BOC: variants seen among roughly 807,000 people sequenced by gnomAD.
BOC encodes the protein BOC cell adhesion associated, oncogene regulated, also known as brother of CDO.
Under a neutral mutation model 112.0 loss-of-function variants are expected in BOC, and 76 were observed. The ratio of observed to expected loss-of-function variants is 0.68; its 90% confidence interval spans 0.56 to 0.82. The LOEUF (loss-of-function observed/expected upper bound fraction) is 0.82. Ranked by LOEUF, BOC falls within the 40% of genes least tolerant of loss-of-function variation. The pLI is 0.00. For synonymous variants in BOC, 580 were observed against 599.8 expected, an observed-to-expected ratio of 0.97 and a Z score of 0.48; for missense variants, 1,309 against 1,511.7, an observed-to-expected ratio of 0.87 and a Z score of 2.22.
chr3:113,235,256 C>T (rs910930815), intron 2 of BOC, among the ~76,000 whole-genome samples: 3 of 152,094 alleles, frequency 2.0e-5, no homozygotes, highest in East Asian at 1.9e-4. Flanking sequence ...ACTATATTAG[C>T]GTTTTAGTTC....
chr3:113,256,953 T>C (rs1946288247), intron 4 of BOC, among the ~76,000 whole-genome samples: 2 of 152,210 alleles, frequency 1.3e-5, no homozygotes, highest in Non-Finnish European at 2.9e-5. Flanking sequence ...GGAAAACATG[T>C]CTTTGCTATT....
chr3:113,283,409 A>G lies in BOC; in HGVS notation c.2435-2A>G. The G allele has an allele frequency of 6.3e-7, 1 of 1,587,606 alleles. No individual in the cohort carries two copies. Among genetic ancestry groups the G allele is most frequent in the Non-Finnish European group, 8.6e-7 (1 of 1,161,776 alleles). On this transcript the variant is annotated splice_acceptor_variant, in intron 15 of 19. Coordinates refer to ENST00000682979, the MANE Select transcript of BOC (RefSeq NM_001378074.1). LOFTEE classifies it high-confidence loss of function. ...TGAAGTGAGTTTTGTCCACAATTAC[A>G]GCTCGGAAGTCTTCTGGCCAGCCTG... is the stretch of plus-strand genomic sequence containing the variant.
chr3:113,247,500 G>A (rs199534345), intron 2 of BOC, among the ~76,000 whole-genome samples: 22 of 125,776 alleles, frequency 1.7e-4, no homozygotes, highest in South Asian at 5.4e-4. Context: ...GCCCTGATAG[G>A]AAAAAAAAAA....
Position 113,257,201 on chromosome 3 carries a change from G to A in BOC, c.376+6368G>A, listed in dbSNP as rs77103253. Reference sequence around the variant, plus strand: ...AGAATCATTAATGGCACCTTTAGACGGAGATGTTTCCACGCTGCCAGGACA... The same window carrying A: ...AGAATCATTAATGGCACCTTTAGACAGAGATGTTTCCACGCTGCCAGGACA... On this transcript the variant is annotated intron_variant, in intron 4 of 19. Transcript: ENST00000682979. 1.5e-3 allele frequency among the ~76,000 whole-genome samples: 234 copies of A among 152,274 alleles called. 1 individual carries two copies. The highest frequency in any genetic ancestry group is 5.3e-3 in the African/African-American group (220 of 41,550).
At chr3:113,280,914 G>A (rs369402346) in intron 14 of BOC, 117 bp from the exon 15 acceptor site, 3 of 1,401,952 alleles carry the variant, frequency 2.1e-6, no homozygotes, top group East Asian at 2.3e-5. Context: ...CGCCGCCCCT[G>A]TGCCAGTCAG....
Position 113,264,950 on chromosome 3 carries a change from T to C in BOC, c.377-3349T>C, listed in dbSNP as rs114381696. Among the ~76,000 whole-genome samples the C allele has an allele frequency of 3.7e-3, 559 of 152,222 alleles. 2 individuals are homozygous for C. The highest frequency in any genetic ancestry group is 0.013 in the African/African-American group (541 of 41,544). On this transcript the variant is annotated intron_variant, in intron 4 of 19. Transcript: ENST00000682979. ...GGATGTCCAGCTGGGGTGCCCTCGG[T>C]CCTGCCTGCACAGGCTGTTGTGCAC...
intron 2 of BOC, among the ~76,000 whole-genome samples, chr3:113,232,562 A>AGTGTGTGTGT (rs10696107): frequency 2.0e-5 from 3 of 149,330 alleles, no homozygotes; most frequent in Non-Finnish European, 3.0e-5. Flanking sequence ...TTGCTGTGCG[A>AGTGTGTGTGT]GTGTGTGTGT....
At chr3:113,269,403 C>G (rs1947863522) in intron 5 of BOC, 1 of 152,106 alleles carries the variant, frequency 6.6e-6, no homozygotes, top group African/African-American at 2.4e-5. Context: ...GTAGACCTTA[C>G]TTGACCTGAC....
chr3:113,211,546 T>C (rs1671921204), upstream of BOC: 4 of 152,376 alleles, frequency 2.6e-5, no homozygotes, highest in South Asian at 8.3e-4. Flanking sequence ...GAAGGAATTG[T>C]TTGCGAGTTC....
In BOC at chr3:113,284,237, C is replaced by G. The variant is rs541818143; in HGVS notation, c.2657-98C>G. On this transcript the variant is annotated intron_variant, in intron 16 of 19. Coordinates refer to ENST00000682979, the MANE Select transcript of BOC (RefSeq NM_001378074.1). ...AACTCCCTGCCTACGTCCTTCAACC[C>G]TCTGTGGCCAGGAGCCTCCTGAGAT... 219 of 1,002,162 alleles carry G rather than the reference C, an allele frequency of 2.2e-4. No homozygotes were observed. The African/African-American group carries it at 2.9e-3, about 13-fold the overall frequency. The allele number at this position is 1,002,162 out of a possible 1,614,324, so 62.1% of individuals were successfully genotyped here. A position where few individuals can be genotyped will look rare whatever the true frequency, so the allele number is the denominator to read the frequency against.
At chr3:113,280,235 C>T (rs1949065851) in intron 13 of BOC, among the ~76,000 whole-genome samples, 1 of 152,144 alleles carries the variant, frequency 6.6e-6, no homozygotes, top group Admixed American at 6.5e-5. Context: ...CACAGGGGAT[C>T]CCAACACAAC....
chr3:113,236,294 A>ATATATATATACCCATGGG (rs1559821837), intron 2 of BOC, among the ~76,000 whole-genome samples: 2 of 98,918 alleles, frequency 2.0e-5, no homozygotes, highest in African/African-American at 5.2e-5. Context: ...ATATATATAT[A>ATATATATATACCCATGGG]TATATATATA....
chr3:113,257,458 A>T (rs945040701), intron 4 of BOC, among the ~76,000 whole-genome samples: 1 of 152,126 alleles, frequency 6.6e-6, no homozygotes, highest in African/African-American at 2.4e-5. Context: ...TCTCAGAGCA[A>T]AATTGTGGTT....
In BOC at chr3:113,278,717, A is replaced by G. The variant is rs1948898875; in HGVS notation, c.1750A>G (p.Ile584Val). ...PEIMASKEQQ[I>V]QRDDPGASPQ... is the part of the protein sequence containing the mutation. Reference sequence around the variant, plus strand: ...GATCATGGCCAGCAAAGAGCAGCAGATCCAGAGAGACGACCCTGGAGCCAG... The same window carrying G: ...GATCATGGCCAGCAAAGAGCAGCAGGTCCAGAGAGACGACCCTGGAGCCAG... Residue 584 changes from isoleucine (I) to valine (V), a missense_variant, in exon 11 of 20, where the codon ATC (isoleucine) becomes GTC (valine). Physicochemically the swap from Ile to Val is conservative, Grantham distance 29 (BLOSUM62 3). Transcript: ENST00000682979. The surrounding 1 kb of genome is among the most constrained non-coding windows in gnomAD (Gnocchi z 4.2). 6.4e-7 allele frequency: 1 copy of G among 1,570,330 alleles called. No individual in the cohort carries two copies. The highest frequency in any genetic ancestry group is 8.6e-7 in the Non-Finnish European group (1 of 1,157,546).
chr3:113,269,466 T>C (rs1947869528), intron 5 of BOC: 1 of 151,946 alleles, frequency 6.6e-6, no homozygotes, highest in East Asian at 1.9e-4. Context: ...GAGGCTAAGG[T>C]TGTAGTGAGC....
chr3:113,252,443 A>T (rs1945749758), intron 4 of BOC, among the ~76,000 whole-genome samples: 1 of 152,104 alleles, frequency 6.6e-6, no homozygotes, highest in East Asian at 1.9e-4. Context: ...TAAGGCAGCG[A>T]ACTTTTGAAA....
intron 4 of BOC, among the ~76,000 whole-genome samples, chr3:113,255,451 C>T (rs547238629): frequency 6.6e-6 from 1 of 152,300 alleles, no homozygotes; most frequent in East Asian, 1.9e-4. Flanking sequence ...TAACAGTCAA[C>T]CATTAATAAT....
chr3:113,241,446 C>T (rs1944280470), intron 2 of BOC, among the ~76,000 whole-genome samples: 1 of 152,114 alleles, frequency 6.6e-6, no homozygotes, highest in South Asian at 2.1e-4. Context: ...GGAACTCCTA[C>T]TTCTCACTTC....
rs549760856 is a variant in BOC, at chr3:113,280,163, C to T, written c.2205+158C>T. On this transcript the variant is annotated intron_variant, in intron 13 of 19. Transcript: ENST00000682979. ...TGGCTGGAGCTGCTCTAGTGGTCTC[C>T]TGTTGATTCTGGTGCCTTGACCTGG... 5.8e-4 allele frequency among the ~76,000 whole-genome samples: 89 copies of T among 152,220 alleles called. 1 individual carries two copies. Among genetic ancestry groups the T allele is most frequent in the African/African-American group, 2.1e-3 (86 of 41,536 alleles).
Sources: gnomAD v4.1 joint callset for allele counts (sites outside exome capture counted in the v4.1 genomes callset) on GRCh38, gnomAD v4.1.1 for gene constraint, Gnocchi (gnomAD v3.1) non-coding constraint, MANE v1.5 for transcripts, NCBI Gene and HGNC (gene_info 2026-07-23, HGNC 2026-07-21) for gene names.